PRDM5: variants seen among roughly 807,000 people sequenced by gnomAD.
The protein encoded by PRDM5 is PR domain zinc finger protein 5.
A neutral mutation model predicts 81.2 loss-of-function variants in PRDM5; 56 were observed. That is an observed-to-expected ratio of 0.69 (90% confidence interval 0.56 to 0.86). The LOEUF (loss-of-function observed/expected upper bound fraction) is 0.86. Among genes scored for constraint, PRDM5 ranks in the 40% least tolerant of loss-of-function variants. PRDM5 has a pLI of 0.00. For missense variants in PRDM5, 697 were observed against 770.1 expected (o/e 0.91, Z 1.12); for synonymous variants, 267 against 256.4 (o/e 1.04, Z -0.39).
intron 13 of PRDM5, among the ~76,000 whole-genome samples, chr4:120,756,365 C>T (rs918900351): frequency 5.9e-5 from 9 of 152,194 alleles, no homozygotes; most frequent in Admixed American, 3.9e-4. Flanking sequence ...AGTTGTACCA[C>T]ATTCACCTAG....
At position 120,798,161 on chromosome 4, in the gene PRDM5, A is replaced by G. The variant is rs1238623789; in HGVS notation, c.1188+106T>C. On this transcript the variant is annotated intron_variant, in intron 10 of 15. Coordinates refer to ENST00000264808, the MANE Select transcript of PRDM5 (RefSeq NM_018699.4). ...GTGAGTGATCTTCTCTAGTTGTTGC[A>G]TTATATACAGTAGGCCCCAGATGTA... is the stretch of plus-strand genomic sequence containing the variant. The G allele has an allele frequency of 3.8e-6, 3 of 794,030 alleles. No individual in the cohort carries two copies. The Admixed American group carries it at 8.8e-5, about 23-fold the overall frequency. The allele number at this position is 794,030 out of a possible 1,614,324, so 49.2% of individuals were successfully genotyped here.
intron 3 of PRDM5, among the ~76,000 whole-genome samples, chr4:120,853,165 T>A: frequency 6.6e-6 from 1 of 152,122 alleles, no homozygotes; most frequent in Non-Finnish European, 1.5e-5. Context: ...GAAAGCGAGA[T>A]CTGCCAAGGA....
At chr4:120,882,699 A>C (rs1762978929) in intron 2 of PRDM5, among the ~76,000 whole-genome samples, 1 of 152,228 alleles carries the variant, frequency 6.6e-6, no homozygotes, top group Admixed American at 6.5e-5. Flanking sequence ...ATTGGAAATC[A>C]TGTTGTCTGT....
At position 120,802,291 on chromosome 4, in the gene PRDM5, T is replaced by G. The variant is rs1034618807; in HGVS notation, c.946-2546A>C. On this transcript the variant is annotated intron_variant, in intron 8 of 15. Coordinates refer to ENST00000264808, the MANE Select transcript of PRDM5 (RefSeq NM_018699.4). ...AGAGGGCAGTTCCAAGATCGCTGAA[T>G]AGGAACAGCTCCAGTCCACAGCTCC... 2.6e-5 allele frequency among the ~76,000 whole-genome samples: 4 copies of G among 152,188 alleles called. No homozygotes were observed. In the South Asian group the frequency reaches 8.3e-4, roughly 32 times the overall value.
intron 12 of PRDM5, among the ~76,000 whole-genome samples, chr4:120,780,827 C>T (rs748933492): frequency 1.3e-4 from 19 of 151,950 alleles, no homozygotes; most frequent in Non-Finnish European, 1.9e-4. Context: ...AAGAAACAGC[C>T]TACATTAATT....
intron 14 of PRDM5, among the ~76,000 whole-genome samples, chr4:120,744,262 C>G (rs1742611979): frequency 6.6e-6 from 1 of 152,154 alleles, no homozygotes; most frequent in Non-Finnish European, 1.5e-5. Flanking sequence ...ACCAGAATCT[C>G]TGGGACACAT....
intron 10 of PRDM5, among the ~76,000 whole-genome samples, chr4:120,795,161 C>G (rs931538410): frequency 5.3e-5 from 8 of 152,124 alleles, no homozygotes; most frequent in Non-Finnish European, 8.8e-5. Context: ...CACCTGTCCC[C>G]TAGGAGTTTG....
chr4:120,749,064 G>C (rs1054743280), intron 14 of PRDM5, among the ~76,000 whole-genome samples: 1 of 152,140 alleles, frequency 6.6e-6, no homozygotes, highest in Non-Finnish European at 1.5e-5. Context: ...ACTATTCATA[G>C]GATGTGGAAA....
In PRDM5 at chr4:120,848,847, C is replaced by T. The variant is rs1278382609; in HGVS notation, c.300+4571G>A. Among the ~76,000 whole-genome samples the T allele has an allele frequency of 3.9e-5, 6 of 152,078 alleles. No individual in the cohort carries two copies. The South Asian group carries it at 8.3e-4, about 21-fold the overall frequency. On this transcript the variant is annotated intron_variant, in intron 3 of 15. Coordinates refer to ENST00000264808, the MANE Select transcript of PRDM5 (RefSeq NM_018699.4). ...TTTTACTTTAGTTTAAAATGTTACC[C>T]TAATAAAATACAAATGCAGACCTTA...
In PRDM5 at chr4:120,774,888, C is replaced by CTATATATATATATATA. The variant is rs140501417; in HGVS notation, c.1537+2284_1537+2299dup. Among the ~76,000 whole-genome samples the CTATATATATATATATA allele has an allele frequency of 1.5e-4, 20 of 129,360 alleles. 1 individual carries two copies. In the South Asian group the frequency reaches 4.1e-3, roughly 27 times the overall value. The allele number at this position is 129,360 out of a possible 152,430, so 84.9% of individuals were successfully genotyped here. ...TCTCTGTCTCTCTCTCTCTCTCTTT[C>CTATATATATATATATA]TATATATATATATATATATGTATAT... On this transcript the variant is annotated intron_variant, in intron 13 of 15. Coordinates refer to ENST00000264808, the MANE Select transcript of PRDM5 (RefSeq NM_018699.4).
At chr4:120,851,859 T>C (rs886394688) in intron 3 of PRDM5, among the ~76,000 whole-genome samples, 10 of 152,170 alleles carry the variant, frequency 6.6e-5, no homozygotes, top group African/African-American at 2.2e-4. Context: ...ACCACATGTA[T>C]ATGAAGCTTC....
chr4:120,819,436 CCATGGCA>C (rs11278839), intron 4 of PRDM5, among the ~76,000 whole-genome samples: 39,730 of 151,438 alleles, frequency 0.26, 5,920 homozygotes, highest in Admixed American at 0.35. Flanking sequence ...ATAAAAATAG[CCATGGCA>C]CATGGCACAT....
At chr4:120,811,505 CAAAT>C in intron 7 of PRDM5, 56 bp from the exon 8 acceptor site, 1 of 1,140,682 alleles carries the variant, frequency 8.8e-7, no homozygotes, top group South Asian at 1.4e-5. Context: ...AGAGGAAAAA[CAAAT>C]AGTGTTTCGA....
intron 14 of PRDM5, among the ~76,000 whole-genome samples, chr4:120,715,328 T>C (rs1034480489): frequency 6.6e-6 from 1 of 152,218 alleles, no homozygotes; most frequent in African/African-American, 2.4e-5. Flanking sequence ...TTCCGGGATA[T>C]GGAGTATCTA....
At chr4:120,875,383 C>T (rs1181181398) in intron 2 of PRDM5, among the ~76,000 whole-genome samples, 2 of 152,236 alleles carry the variant, frequency 1.3e-5, no homozygotes, top group Admixed American at 1.3e-4. Context: ...CCTCTGTCTG[C>T]ACTAGCTGTT....
intron 8 of PRDM5, among the ~76,000 whole-genome samples, chr4:120,806,525 AG>A (rs1447921107): frequency 6.6e-6 from 1 of 152,246 alleles, no homozygotes; most frequent in African/African-American, 2.4e-5. Flanking sequence ...AACAGAACAG[AG>A]GCCTCAGAAA....
intron 3 of PRDM5, chr4:120,837,654 C>A (rs552040110): frequency 1.3e-5 from 2 of 152,310 alleles, no homozygotes; most frequent in Non-Finnish European, 2.9e-5. Flanking sequence ...AAACAAGCTA[C>A]ATAGATGCAT....
At chr4:120,807,183 T>G (rs1753105315) in intron 8 of PRDM5, among the ~76,000 whole-genome samples, 1 of 152,134 alleles carries the variant, frequency 6.6e-6, no homozygotes, top group African/African-American at 2.4e-5. Context: ...TGGCAATCAC[T>G]AAAAAGTCAG....
At chr4:120,787,700 G>C (rs573676940) in intron 10 of PRDM5, among the ~76,000 whole-genome samples, 12 of 152,308 alleles carry the variant, frequency 7.9e-5, no homozygotes, top group Admixed American at 2.6e-4. Context: ...TTTGTGATCT[G>C]AGCAATGCAA....
Sources: gnomAD v4.1 joint callset for allele counts (sites outside exome capture counted in the v4.1 genomes callset) on GRCh38, gnomAD v4.1.1 for gene constraint, MANE v1.5 for transcripts, NCBI Gene and HGNC (gene_info 2026-07-23, HGNC 2026-07-21) for gene names.